NOL4: variants seen among roughly 807,000 people sequenced by gnomAD.
NOL4 encodes cancer/testis antigen 125.
Under a neutral mutation model 75.9 loss-of-function variants are expected in NOL4, and 17 were observed. The observed-to-expected ratio is 0.22, with a 90% confidence interval of 0.15 to 0.34. The LOEUF (loss-of-function observed/expected upper bound fraction) is 0.34, where lower values mean the gene tolerates loss of function less well. Ranked by LOEUF, NOL4 falls within the 10% of genes least tolerant of loss-of-function variation. The pLI is 1.00. For missense variants in NOL4, 614 were observed against 793.5 expected (o/e 0.77, Z 2.72); for synonymous variants, 292 against 289.9 (o/e 1.01, Z -0.07).
intron 5 of NOL4, among the ~76,000 whole-genome samples, chr18:34,029,662 C>T (rs8098144): frequency 0.43 from 65,692 of 151,934 alleles, 14,648 homozygotes; most frequent in South Asian, 0.52. Flanking sequence ...ACCTGCCATG[C>T]GAGGAAACCA....
intron 6 of NOL4, among the ~76,000 whole-genome samples, chr18:33,969,739 C>T (rs1215317912): frequency 1.5e-5 from 2 of 137,254 alleles, no homozygotes; most frequent in African/African-American, 2.7e-5. Flanking sequence ...TGCATTTTGA[C>T]ATTTTTCCAG....
intron 1 of NOL4, among the ~76,000 whole-genome samples, chr18:34,218,169 T>C (rs547375428): frequency 1.6e-4 from 25 of 152,224 alleles, no homozygotes; most frequent in East Asian, 1.4e-3. Context: ...AAAAGGTCTT[T>C]ATAGACTTGA....
intron 1 of NOL4, among the ~76,000 whole-genome samples, chr18:34,133,444 T>C (rs1365767464): frequency 1.3e-5 from 2 of 151,398 alleles, no homozygotes; most frequent in Non-Finnish European, 2.9e-5. Flanking sequence ...AGAACACCAG[T>C]AAAGGTAAAA....
At chr18:34,059,286 C>A (rs1378922235) in intron 5 of NOL4, among the ~76,000 whole-genome samples, 1 of 151,828 alleles carries the variant, frequency 6.6e-6, no homozygotes, top group Non-Finnish European at 1.5e-5. Context: ...AGCCTTCTTT[C>A]TCAGCATTTA....
chr18:33,946,424 C>A (rs368608640), intron 8 of NOL4, among the ~76,000 whole-genome samples: 3 of 151,600 alleles, frequency 2.0e-5, no homozygotes, highest in Non-Finnish European at 4.4e-5. Flanking sequence ...TTTTAGATAA[C>A]CTACATTCAA....
At position 34,040,646 on chromosome 18, in the gene NOL4, C is replaced by T. The variant is rs1600359609; in HGVS notation, c.773-21045G>A. Among the ~76,000 whole-genome samples, 3 of 151,996 alleles carry T rather than the reference C, an allele frequency of 2.0e-5. 1 individual carries two copies. The highest frequency in any genetic ancestry group is 3.9e-4 in the East Asian group (2 of 5,166). On this transcript the variant is annotated intron_variant, in intron 5 of 10. Transcript: ENST00000261592. ...TACGAACAGAGATAGTGTGTTAAGCCATAGTCTGTGTACTTTCCACTGCCT... is the reference window on the plus strand; with the variant it reads ...TACGAACAGAGATAGTGTGTTAAGCTATAGTCTGTGTACTTTCCACTGCCT...
At chr18:34,113,882 C>A (rs1490453446) in intron 2 of NOL4, among the ~76,000 whole-genome samples, 2 of 152,026 alleles carry the variant, frequency 1.3e-5, no homozygotes, top group African/African-American at 4.8e-5. Flanking sequence ...TTCTCATTTG[C>A]TGGGAATTAA....
chr18:34,019,268 TGACC>T (rs1175209513), intron 6 of NOL4, 46 bp downstream of exon 6: 2 of 1,532,412 alleles, frequency 1.3e-6, no homozygotes, highest in Non-Finnish European at 8.9e-7. Flanking sequence ...GTATTTTTTG[TGACC>T]TTCATGACCA....
intron 9 of NOL4, among the ~76,000 whole-genome samples, chr18:33,905,110 C>A (rs2065956841): frequency 6.6e-6 from 1 of 152,158 alleles, no homozygotes; most frequent in African/African-American, 2.4e-5. Context: ...TAGGTCATTG[C>A]AAGTTTCAGC....
intron 9 of NOL4, among the ~76,000 whole-genome samples, chr18:33,940,534 A>G (rs1024760018): frequency 5.3e-5 from 8 of 151,820 alleles, no homozygotes; most frequent in Admixed American, 3.3e-4. Flanking sequence ...AACATCACAC[A>G]CCGGGGCCTG....
rs751513951 is a variant in NOL4 at position 34,203,715 on chromosome 18, T to TCA, written c.264+19274_264+19275insTG. Among the ~76,000 whole-genome samples the TCA allele has an allele frequency of 1.8e-3, 110 of 59,596 alleles. 1 individual carries two copies. Among genetic ancestry groups the TCA allele is most frequent in the African/African-American group, 4.0e-3 (86 of 21,718 alleles). 39.1% of individuals were successfully genotyped at this position (59,596 alleles called of 152,430 possible). On this transcript the variant is annotated intron_variant, in intron 1 of 10. Coordinates refer to ENST00000261592, the MANE Select transcript of NOL4 (RefSeq NM_003787.5). The stretch of plus-strand genomic sequence containing the variant: ...CTCTCTCTCTCTCTCTCTCTCTCTC[T>TCA]CTCACACACACACACACACACACAC...
At position 34,019,528 on chromosome 18, in the gene NOL4, G is replaced by A. The variant is rs1331173868; in HGVS notation, c.846C>T (p.His282=). 2.5e-6 allele frequency: 4 copies of A among 1,614,034 alleles called. No individual in the cohort carries two copies. In the African/African-American group the frequency reaches 4.0e-5, roughly 16 times the overall value. Residue 282 remains histidine (H), a synonymous_variant, in exon 6 of 11, where the codon CAC becomes CAT. Transcript: ENST00000261592. ...TGTTGGAGTCTCCCATCTCCCTGCTGTGTGTTCCCCCTGAAGCAATTGAAC... is the reference window on the plus strand; with the variant it reads ...TGTTGGAGTCTCCCATCTCCCTGCTATGTGTTCCCCCTGAAGCAATTGAAC... ...GHSSIASGGT[H]SREMGDSNSD... is the part of the protein sequence containing the mutation.
At chr18:34,040,838 T>C (rs147717917) in intron 5 of NOL4, among the ~76,000 whole-genome samples, 270 of 152,106 alleles carry the variant, frequency 1.8e-3, no homozygotes, top group African/African-American at 6.4e-3. Context: ...GAGAAAATTG[T>C]TCATATAAAT....
chr18:34,188,738 C>A (rs2034685052), intron 1 of NOL4, among the ~76,000 whole-genome samples: 1 of 152,172 alleles, frequency 6.6e-6, no homozygotes, highest in South Asian at 2.1e-4. Flanking sequence ...AGTACAGTTT[C>A]TACTGAAAGT....
At chr18:33,945,020 T>C (rs936029566) in intron 8 of NOL4, among the ~76,000 whole-genome samples, 8 of 151,918 alleles carry the variant, frequency 5.3e-5, no homozygotes, top group African/African-American at 1.9e-4. Flanking sequence ...ATAGGAAAAA[T>C]GGGAATAAGA....
At chr18:33,943,290 T>C in intron 8 of NOL4, 112 bp from the exon 9 acceptor site, 2 of 658,130 alleles carry the variant, frequency 3.0e-6, no homozygotes, top group Non-Finnish European at 5.2e-6. Flanking sequence ...GAATATCCAT[T>C]TATTTCAACT....
At chr18:33,918,544 A>G (rs920717259) in intron 9 of NOL4, among the ~76,000 whole-genome samples, 2 of 152,180 alleles carry the variant, frequency 1.3e-5, no homozygotes, top group Non-Finnish European at 2.9e-5. Flanking sequence ...TCTTATTCCT[A>G]TTCTTTTAAC....
intron 9 of NOL4, among the ~76,000 whole-genome samples, chr18:33,929,698 T>C (rs1431787184): frequency 6.6e-6 from 1 of 152,142 alleles, no homozygotes; most frequent in African/African-American, 2.4e-5. Flanking sequence ...TTGTAGCTTC[T>C]TTACTGAGTA....
At position 34,222,570 on chromosome 18, in the gene NOL4, T is replaced by C. The variant is rs949537869; in HGVS notation, c.264+420A>G. 1.6e-5 allele frequency: 9 copies of C among 579,754 alleles called. No homozygotes were observed. In the African/African-American group the frequency reaches 1.8e-4, roughly 12 times the overall value. The allele number at this position is 579,754 out of a possible 1,614,324, so 35.9% of individuals were successfully genotyped here. ...CTGTAGACTATCGATCAGACTCGTC[T>C]GCTCTCAGAGCGTGCGGCCGGGCTT... is the stretch of plus-strand genomic sequence containing the variant. On this transcript the variant is annotated intron_variant, in intron 1 of 10. Transcript: ENST00000261592.
Sources: allele counts gnomAD v4.1 joint callset (sites outside exome capture counted in the v4.1 genomes callset), GRCh38; gene constraint gnomAD v4.1.1; transcripts MANE v1.5; gene names NCBI Gene and HGNC (gene_info 2026-07-23, HGNC 2026-07-21).